The following PVT1 variants were observed in gnomAD, a reference collection of about 807,000 sequenced individuals.
PVT1 encodes the protein CXCR4/PVT1 fusion.
At chr8:127,971,715 G>A (rs1816766127) in intron 3 of PVT1, among the ~76,000 whole-genome samples, 1 of 152,172 alleles carries the variant, frequency 6.6e-6, no homozygotes, top group South Asian at 2.1e-4. Context: ...CGTAAAATGG[G>A]GATAAGGACA....
At chr8:128,076,496 T>A (rs1486648962) in intron 5 of PVT1, among the ~76,000 whole-genome samples, 1 of 152,158 alleles carries the variant, frequency 6.6e-6, no homozygotes, top group African/African-American at 2.4e-5. Context: ...AATATATATT[T>A]TTTTCTTTTG....
intron 3 of PVT1, among the ~76,000 whole-genome samples, chr8:127,937,034 G>A (rs952656745): frequency 2.0e-5 from 3 of 152,196 alleles, no homozygotes; most frequent in Non-Finnish European, 4.4e-5. Flanking sequence ...TCCTGTCCCC[G>A]TTTTAAGTCC....
chr8:128,000,344 G>T (rs1817161175), intron 4 of PVT1, among the ~76,000 whole-genome samples: 1 of 152,186 alleles, frequency 6.6e-6, no homozygotes, highest in Admixed American at 6.5e-5. Context: ...TAAGTGATGT[G>T]GGCCTCCTGG....
intron 3 of PVT1, among the ~76,000 whole-genome samples, chr8:127,978,322 T>A (rs60159122): frequency 0.026 from 3,927 of 151,604 alleles, 78 homozygotes; most frequent in African/African-American, 0.042. Context: ...CTGGCTAATT[T>A]AAAAAAAAAT....
At chr8:128,023,300 C>G (rs1207128527) in intron 4 of PVT1, among the ~76,000 whole-genome samples, 3 of 152,160 alleles carry the variant, frequency 2.0e-5, no homozygotes, top group African/African-American at 7.2e-5. Flanking sequence ...CTCAGGTGCT[C>G]TAATGGTCCC....
At chr8:128,093,557 T>TA (rs1259426532) in intron 5 of PVT1, among the ~76,000 whole-genome samples, 2 of 151,652 alleles carry the variant, frequency 1.3e-5, no homozygotes, top group Non-Finnish European at 2.9e-5. Context: ...GACTTTGTCT[T>TA]AAAAAATAAA....
chr8:127,988,322 T>TG (rs1042548753), intron 3 of PVT1, among the ~76,000 whole-genome samples: 4 of 152,038 alleles, frequency 2.6e-5, no homozygotes, highest in African/African-American at 7.2e-5. Context: ...GTGAGGATGG[T>TG]GGGGGGGCCT....
intron 2 of PVT1, among the ~76,000 whole-genome samples, chr8:127,871,389 A>G (rs1815350442): frequency 6.6e-6 from 1 of 152,234 alleles, no homozygotes. Flanking sequence ...TTTTGTATCA[A>G]ATAGACATTA....
intron 2 of PVT1, among the ~76,000 whole-genome samples, chr8:127,877,916 A>C (rs1815422853): frequency 6.6e-6 from 1 of 151,958 alleles, no homozygotes; most frequent in Non-Finnish European, 1.5e-5. Flanking sequence ...ACAGAACCGG[A>C]CTCTGTCTCA....
At position 127,991,892 on chromosome 8, in the gene PVT1, C is replaced by T. The variant is rs571858366; in HGVS notation, n.912+2601C>T. 2.8e-3 allele frequency among the ~76,000 whole-genome samples: 432 copies of T among 152,260 alleles called. 2 individuals are homozygous for T. The highest frequency in any genetic ancestry group is 0.01 in the African/African-American group (417 of 41,546). ...TAGAAATCAGCCTGGCTGGGACGCA[C>T]ACCAATAGGAGGGCATCCTCACCTT... On this transcript the variant is annotated intron_variant and non_coding_transcript_variant, in intron 4 of 10. Coordinates refer to ENST00000651587, the Ensembl canonical transcript of PVT1.
chr8:127,876,252 CAGTGTG>C (rs1464269564), intron 2 of PVT1, among the ~76,000 whole-genome samples: 1 of 82,776 alleles, frequency 1.2e-5, no homozygotes, highest in Admixed American at 1.2e-4. Flanking sequence ...CCCCAAACAG[CAGTGTG>C]TGTGTGTGTG....
At chr8:128,041,415 TTGTGCTCGTGTGTTTGTG>T (rs1813538336) in intron 4 of PVT1, among the ~76,000 whole-genome samples, 20 of 148,432 alleles carry the variant, frequency 1.3e-4, no homozygotes, top group South Asian at 2.1e-4. Context: ...GCATGTGTGT[TTGTGCTCGTGTGTTTGTG>T]TGCATGTGTA....
intron 5 of PVT1, among the ~76,000 whole-genome samples, chr8:128,092,715 T>C (rs1586516295): frequency 6.6e-6 from 1 of 152,130 alleles, no homozygotes; most frequent in South Asian, 2.1e-4. Context: ...GTGAAAGCCT[T>C]GAGAGAGGCA....
At chr8:128,041,236 TG>T (rs1813531728) in intron 4 of PVT1, among the ~76,000 whole-genome samples, 1 of 26,678 alleles carries the variant, frequency 3.7e-5, no homozygotes, top group Non-Finnish European at 1.0e-4. Context: ...CATGTGTGTG[TG>T]TTGTTTGTGT....
At chr8:128,069,643 G>A (rs968594296) in intron 4 of PVT1, among the ~76,000 whole-genome samples, 3 of 152,102 alleles carry the variant, frequency 2.0e-5, no homozygotes, top group Admixed American at 1.3e-4. Context: ...CCCCTGCTAC[G>A]TTCCAAGCTT....
chr8:127,861,733 G>T (rs1460507843), intron 2 of PVT1, among the ~76,000 whole-genome samples: 1 of 152,120 alleles, frequency 6.6e-6, no homozygotes, highest in African/African-American at 2.4e-5. Context: ...TCTACATGGG[G>T]TTGTTGCGAG....
chr8:128,021,544 C>A (rs1425478984), intron 4 of PVT1, among the ~76,000 whole-genome samples: 3 of 152,028 alleles, frequency 2.0e-5, no homozygotes, highest in Non-Finnish European at 4.4e-5. Flanking sequence ...CCGCCCTCCT[C>A]GGCCTCCCAA....
At chr8:127,992,007 C>T (rs1817047461) in intron 4 of PVT1, among the ~76,000 whole-genome samples, 1 of 151,534 alleles carries the variant, frequency 6.6e-6, no homozygotes, top group African/African-American at 2.4e-5. Context: ...CCAGGCTCCA[C>T]TTCCCACTGC....
At chr8:128,062,661 A>G (rs1445930864) in intron 4 of PVT1, among the ~76,000 whole-genome samples, 8 of 152,236 alleles carry the variant, frequency 5.3e-5, no homozygotes, top group Non-Finnish European at 8.8e-5. Flanking sequence ...TAGACCTATA[A>G]AAACACCATT....
Sources: allele counts gnomAD v4.1 joint callset (sites outside exome capture counted in the v4.1 genomes callset), GRCh38; gene constraint gnomAD v4.1.1; transcripts MANE v1.5; gene names NCBI Gene and HGNC (gene_info 2026-07-23, HGNC 2026-07-21).